The following GPAM variants were observed in gnomAD, a reference collection of about 807,000 sequenced individuals.
GPAM encodes the protein glycerol-3-phosphate acyltransferase, mitochondrial.
A neutral mutation model predicts 105.0 loss-of-function variants in GPAM; 56 were observed. The observed-to-expected ratio is 0.53, with a 90% CI of 0.43 to 0.67. GPAM has a LOEUF of 0.67. Among genes scored for constraint, GPAM ranks in the 30% least tolerant of loss-of-function variants. GPAM has a pLI of 0.00. For synonymous variants in GPAM, 368 were observed against 354.4 expected (o/e 1.04, Z -0.43); for missense variants, 855 against 989.8 (o/e 0.86, Z 1.83).
At chr10:112,210,996 G>T (rs1382226053) in intron 1 of GPAM, among the ~76,000 whole-genome samples, 2 of 152,212 alleles carry the variant, frequency 1.3e-5, no homozygotes, top group Non-Finnish European at 2.9e-5. Flanking sequence ...CCCACCCCAG[G>T]TGGGTTAACT....
chr10:112,212,869 G>C (rs1286227996), intron 1 of GPAM, among the ~76,000 whole-genome samples: 3 of 152,216 alleles, frequency 2.0e-5, no homozygotes, highest in Non-Finnish European at 4.4e-5. Flanking sequence ...GACAATGGTA[G>C]CTTCATTAAG....
intron 1 of GPAM, among the ~76,000 whole-genome samples, chr10:112,190,086 CA>C (rs749621021): frequency 3.3e-5 from 5 of 152,218 alleles, no homozygotes; most frequent in Admixed American, 6.5e-5. Flanking sequence ...ATAAAATATG[CA>C]CAATTAAATA....
At chr10:112,158,076 G>A (rs972672292) in intron 18 of GPAM, among the ~76,000 whole-genome samples, 3 of 152,216 alleles carry the variant, frequency 2.0e-5, no homozygotes, top group South Asian at 2.1e-4. Context: ...GATTACAGGT[G>A]TGTGCCACCA....
intron 19 of GPAM, chr10:112,156,370 G>A (rs555734825): frequency 9.5e-5 from 33 of 347,458 alleles, no homozygotes; most frequent in African/African-American, 5.3e-4. Context: ...AAAAATAGCC[G>A]CTCCTAAGAC....
chr10:112,167,053 T>C (rs1380261182), intron 11 of GPAM, among the ~76,000 whole-genome samples: 1 of 152,142 alleles, frequency 6.6e-6, no homozygotes, highest in Non-Finnish European at 1.5e-5. Flanking sequence ...GACTCAGATA[T>C]GAACTCGTGA....
intron 18 of GPAM, among the ~76,000 whole-genome samples, chr10:112,157,949 C>G (rs1301391911): frequency 1.3e-5 from 2 of 152,164 alleles, no homozygotes; most frequent in African/African-American, 4.8e-5. Context: ...GGTTTGTTTA[C>G]TTATTTATGA....
At position 112,168,387 on chromosome 10, in the gene GPAM, G is replaced by A. The variant is rs957954392; in HGVS notation, c.1032C>T (p.Ile344=). 1.2e-6 allele frequency: 2 copies of A among 1,610,026 alleles called. No individual in the cohort carries two copies. The highest frequency in any genetic ancestry group is 2.7e-5 in the African/African-American group (2 of 74,948). ...CAACAGGTATTATCAAGATGTCTGG[G>A]ATGACATTGGTAGACAGAGTATCTA... The part of the protein sequence containing the change: ...VVVDTLSTNV[I]PDILIIPVGI... Residue 344 remains isoleucine, a synonymous_variant, in exon 11 of 22, where the codon ATC becomes ATT. Coordinates refer to ENST00000348367, the MANE Select transcript of GPAM (RefSeq NM_001244949.2).
Position 112,153,314 on chromosome 10 carries a change from A to C in GPAM, c.*236T>G, listed in dbSNP as rs916023066. The C allele has an allele frequency of 2.5e-5, 35 of 1,391,118 alleles. No individual in the cohort carries two copies. Among genetic ancestry groups the C allele is most frequent in the Non-Finnish European group, 2.8e-5 (30 of 1,072,290 alleles). The allele number at this position is 1,391,118 out of a possible 1,614,324, so 86.2% of individuals were successfully genotyped here. ...GATTTCATCTTGTAGTCTACGGATT[A>C]TGAGTTGCGAATAGAGGCTGAGGTC... On this transcript the variant is annotated 3_prime_UTR_variant, in exon 22 of 22. Transcript: ENST00000348367.
chr10:112,185,288 T>C (rs2081749664), upstream of GPAM, among the ~76,000 whole-genome samples: 1 of 150,746 alleles, frequency 6.6e-6, no homozygotes, highest in African/African-American at 2.4e-5. Context: ...ACATCTGGAA[T>C]CCAAACAGAA....
chr10:112,149,867 T>A lies in GPAM; in HGVS notation c.*3683A>T. 1.1e-6 allele frequency: 1 copy of A among 948,408 alleles called. No homozygotes were observed. The highest frequency in any genetic ancestry group is 1.3e-6 in the Non-Finnish European group (1 of 795,816). 58.7% of individuals were successfully genotyped at this position (948,408 alleles called of 1,614,324 possible). A position where few individuals can be genotyped will look rare whatever the true frequency, so the allele number is the denominator to read the frequency against. Reference sequence around the variant, plus strand: ...ATACAAATCAAACACATCAAGAGTATGTTCAATTTTTGGTTTATTAAAACA... The same window carrying A: ...ATACAAATCAAACACATCAAGAGTAAGTTCAATTTTTGGTTTATTAAAACA... On this transcript the variant is annotated 3_prime_UTR_variant, in exon 22 of 22. Coordinates refer to ENST00000348367, the MANE Select transcript of GPAM (RefSeq NM_001244949.2).
At chr10:112,178,585 A>G (rs1267784017) in intron 4 of GPAM, among the ~76,000 whole-genome samples, 1 of 151,882 alleles carries the variant, frequency 6.6e-6, no homozygotes, top group Non-Finnish European at 1.5e-5. Flanking sequence ...ACAAACAAAC[A>G]AACAAACCAC....
upstream of GPAM, among the ~76,000 whole-genome samples, chr10:112,187,282 C>T (rs4918722): frequency 0.77 from 117,017 of 151,984 alleles, 45,924 homozygotes; most frequent in African/African-American, 0.94. Context: ...TATTGTCAGA[C>T]TGGAAAAAAA....
chr10:112,220,903 T>C, the GPAM span, among the ~76,000 whole-genome samples: 1 of 150,720 alleles, frequency 6.6e-6, no homozygotes, highest in East Asian at 1.9e-4. Flanking sequence ...CATGGGGAGA[T>C]TATTCACAAA....
intron 15 of GPAM, among the ~76,000 whole-genome samples, 179 bp from the exon 16 acceptor site, chr10:112,161,047 G>T (rs1847114721): frequency 6.6e-6 from 1 of 152,102 alleles, no homozygotes; most frequent in Non-Finnish European, 1.5e-5. Context: ...TAAAAAGCTG[G>T]TCCTCCAGGA....
In GPAM at chr10:112,152,738, G is replaced by A; in HGVS notation, c.*812C>T. The stretch of plus-strand genomic sequence containing the variant: ...GTGGACGAGGTACAGACATAAAACA[G>A]GAAGGGTTCTAAATATATTTGCTGG... On this transcript the variant is annotated 3_prime_UTR_variant, in exon 22 of 22. Coordinates refer to ENST00000348367, the MANE Select transcript of GPAM (RefSeq NM_001244949.2). The A allele has an allele frequency of 1.0e-6, 1 of 964,398 alleles. No homozygotes were observed. Among genetic ancestry groups the A allele is most frequent in the Non-Finnish European group, 1.2e-6 (1 of 810,782 alleles). 59.7% of individuals were successfully genotyped at this position (964,398 alleles called of 1,614,324 possible).
Position 112,150,871 on chromosome 10 carries a change from G to T in GPAM, c.*2679C>A. 2.0e-6 allele frequency: 2 copies of T among 984,902 alleles called. No individual in the cohort carries two copies. Among genetic ancestry groups the T allele is most frequent in the Non-Finnish European group, 2.4e-6 (2 of 829,534 alleles). The allele number at this position is 984,902 out of a possible 1,614,324, so 61.0% of individuals were successfully genotyped here. ...GGTTACTGGCAATTCCACAATTTGG[G>T]CTTACATTCATTGTAATCCCAGAAA... On this transcript the variant is annotated 3_prime_UTR_variant, in exon 22 of 22. Coordinates refer to ENST00000348367, the MANE Select transcript of GPAM (RefSeq NM_001244949.2).
At chr10:112,194,440 AC>A (rs1425520918) in intron 1 of GPAM, among the ~76,000 whole-genome samples, 2 of 152,228 alleles carry the variant, frequency 1.3e-5, no homozygotes, top group African/African-American at 4.8e-5. Context: ...CTCTGCGGAC[AC>A]TATGTCTTTC....
intron 14 of GPAM, 70 bp from the exon 15 acceptor site, chr10:112,161,807 C>T (rs1847129937): frequency 8.7e-7 from 1 of 1,145,678 alleles, no homozygotes; most frequent in African/African-American, 1.5e-5. Context: ...TTTGAAATAC[C>T]TAAATTTTAA....
intron 16 of GPAM, 161 bp downstream of exon 16, chr10:112,160,443 G>T: frequency 4.3e-6 from 3 of 702,852 alleles, no homozygotes; most frequent in Non-Finnish European, 3.5e-6. Flanking sequence ...ATTGTAAACA[G>T]TGATATAACA....
Sources: allele counts gnomAD v4.1 joint callset (sites outside exome capture counted in the v4.1 genomes callset), GRCh38; gene constraint gnomAD v4.1.1; transcripts MANE v1.5; gene names NCBI Gene and HGNC (gene_info 2026-07-23, HGNC 2026-07-21).